Variants in NAALAD2 observed in about 807,000 individuals in gnomAD.
NAALAD2 encodes N-acetylated alpha-linked acidic dipeptidase 2.
NAALAD2 carries 89 observed loss-of-function variants against 95.6 expected under a neutral mutation model. The observed-to-expected ratio is 0.93, with a 90% CI of 0.78 to 1.11. The LOEUF (loss-of-function observed/expected upper bound fraction) is 1.11. Ranked by LOEUF, NAALAD2 falls within the 50% of genes least tolerant of loss-of-function variation. NAALAD2 has a pLI of 0.00. For missense variants in NAALAD2, 894 were observed against 872.4 expected (o/e 1.02, Z -0.31); for synonymous variants, 264 against 294.4 (o/e 0.90, Z 1.06).
rs1951911962 is a variant in NAALAD2 at position 90,152,341 on chromosome 11, A to T, written c.653A>T (p.Tyr218Phe). 4 of 1,612,474 alleles carry T rather than the reference A, an allele frequency of 2.5e-6. No individual in the cohort carries two copies. In the East Asian group the frequency reaches 8.9e-5, roughly 36 times the overall value. The change falls in exon 6 of 19, where the codon TAC becomes TTC. Residue 218 changes from tyrosine (Y) to phenylalanine (F), a missense_variant. Transcript: ENST00000534061. ...GCAGGAGCCATAGGAATCATCTTGT[A>T]CTCAGATCCAGCTGACTACTTTGCT... ...MLAGAIGIIL[Y>F]SDPADYFAPE...
rs1565521423 is a variant in NAALAD2, at chr11:90,154,884, TATATGTATATATTATATACGTATAC to T, written c.796+2454_796+2478del. On this transcript the variant is annotated intron_variant, in intron 6 of 18. Coordinates refer to ENST00000534061, the MANE Select transcript of NAALAD2 (RefSeq NM_005467.4). ...GTATATATTATATACGTATACATAA[TATATGTATATATTATATACGTATAC>T]ATATGTATATATTATATACGTATAC... Among the ~76,000 whole-genome samples, 114 of 51,068 alleles carry T rather than the reference TATATGTATATATTATATACGTATAC, an allele frequency of 2.2e-3. 4 individuals are homozygous for T. The highest frequency in any genetic ancestry group is 7.4e-3 in the South Asian group (10 of 1,360). The allele number at this position is 51,068 out of a possible 152,430, so 33.5% of individuals were successfully genotyped here.
chr11:90,151,167 A>C (rs1951878719), intron 5 of NAALAD2, among the ~76,000 whole-genome samples: 1 of 152,094 alleles, frequency 6.6e-6, no homozygotes, highest in Non-Finnish European at 1.5e-5. Flanking sequence ...TATTCTTTCT[A>C]GATCTTTTAC....
chr11:90,176,958 C>CT (rs762427339), intron 15 of NAALAD2, among the ~76,000 whole-genome samples: 16 of 152,152 alleles, frequency 1.1e-4, no homozygotes, highest in Non-Finnish European at 2.4e-4. Context: ...CTTTTATACT[C>CT]TGTCTTCTGT....
At chr11:90,135,717 T>G in intron 2 of NAALAD2, 47 bp downstream of exon 2, 1 of 1,492,994 alleles carries the variant, frequency 6.7e-7, no homozygotes, top group Non-Finnish European at 9.3e-7. Context: ...GTTTAAAATA[T>G]CACAGTGAGA....
At chr11:90,143,510 T>C (rs1590959983) in intron 2 of NAALAD2, among the ~76,000 whole-genome samples, 1 of 152,288 alleles carries the variant, frequency 6.6e-6, no homozygotes, top group East Asian at 1.9e-4. Context: ...TTTTACTATG[T>C]GTCTAGGCAT....
At chr11:90,167,963 C>T (rs1241898831) in intron 11 of NAALAD2, among the ~76,000 whole-genome samples, 2 of 152,192 alleles carry the variant, frequency 1.3e-5, no homozygotes, top group African/African-American at 4.8e-5. Flanking sequence ...GCAGCAGTGG[C>T]AACCCTCTGG....
At chr11:90,166,489 T>A (rs1590999132) in intron 11 of NAALAD2, among the ~76,000 whole-genome samples, 1 of 152,342 alleles carries the variant, frequency 6.6e-6, no homozygotes, top group African/African-American at 2.4e-5. Context: ...CCTCCATAAA[T>A]GGATGTCAAA....
At chr11:90,138,725 C>CTTTTTTTTTTTTTTTTTTTTT (rs562496549) in intron 2 of NAALAD2, among the ~76,000 whole-genome samples, 4 of 61,528 alleles carry the variant, frequency 6.5e-5, no homozygotes, top group African/African-American at 1.1e-4. Flanking sequence ...CATCCCTCAA[C>CTTTTTTTTTTTTTTTTTTTTT]TTTTTTTTTT....
intron 6 of NAALAD2, among the ~76,000 whole-genome samples, chr11:90,155,757 G>C (rs1459189285): frequency 8.2e-6 from 1 of 121,888 alleles, no homozygotes; most frequent in Non-Finnish European, 1.6e-5. Context: ...TATTACATAT[G>C]TATGTATTAT....
chr11:90,172,996 T>G (rs537212), intron 13 of NAALAD2, among the ~76,000 whole-genome samples: 146,845 of 152,194 alleles, frequency 0.96, 70,906 homozygotes, highest in East Asian at 1. Context: ...AGCAAATCAG[T>G]GTTATAAACA....
At chr11:90,144,741 A>AAAAAAAAAAAAAC (rs1565512402) in intron 2 of NAALAD2, among the ~76,000 whole-genome samples, 2 of 74,864 alleles carry the variant, frequency 2.7e-5, no homozygotes, top group African/African-American at 1.5e-4. Flanking sequence ...AAACTCCATT[A>AAAAAAAAAAAAAC]AAAAAAAAAA....
At chr11:90,170,239 G>A (rs1403218259) in intron 13 of NAALAD2, 103 bp downstream of exon 13, 2 of 752,844 alleles carry the variant, frequency 2.7e-6, no homozygotes, top group East Asian at 5.0e-5. Flanking sequence ...GCTGGTGAGA[G>A]AACATAATAG....
chr11:90,181,440 GT>G (rs1349184430), intron 16 of NAALAD2, among the ~76,000 whole-genome samples, 179 bp from the exon 17 acceptor site: 2 of 151,750 alleles, frequency 1.3e-5, no homozygotes, highest in African/African-American at 4.8e-5. Flanking sequence ...ACCATTTTTT[GT>G]TTTCAAACAA....
chr11:90,185,281 AATC>A (rs1857102190), intron 18 of NAALAD2, among the ~76,000 whole-genome samples: 1 of 152,086 alleles, frequency 6.6e-6, no homozygotes, highest in Admixed American at 6.6e-5. Context: ...TTACATATGT[AATC>A]ATTTATATTT....
intron 2 of NAALAD2, among the ~76,000 whole-genome samples, chr11:90,143,644 TCTC>T (rs1951675278): frequency 2.0e-5 from 3 of 152,144 alleles, no homozygotes; most frequent in Admixed American, 2.0e-4. Flanking sequence ...TACCATTCTT[TCTC>T]CTCTTCTCTT....
chr11:90,165,822 T>C (rs567789361), intron 11 of NAALAD2, among the ~76,000 whole-genome samples: 1 of 152,176 alleles, frequency 6.6e-6, no homozygotes, highest in East Asian at 1.9e-4. Flanking sequence ...GATACATATA[T>C]AAACACATAT....
chr11:90,154,448 T>C (rs1373667722), intron 6 of NAALAD2, among the ~76,000 whole-genome samples: 2 of 151,978 alleles, frequency 1.3e-5, no homozygotes, highest in African/African-American at 4.8e-5. Context: ...ATGTTTTTAA[T>C]GTTAATCCAA....
At position 90,146,343 on chromosome 11, in the gene NAALAD2, A is replaced by ATTTT. The variant is rs71477596; in HGVS notation, c.195-957_195-954dup. On this transcript the variant is annotated intron_variant, in intron 2 of 18. Coordinates refer to ENST00000534061, the MANE Select transcript of NAALAD2 (RefSeq NM_005467.4). ...GTTCTACTGATGGTGGGGGAGTTTA[A>ATTTT]TTTTTTTTTTTTTTTTTTTTTTTTT... Among the ~76,000 whole-genome samples, 214 of 47,992 alleles carry ATTTT rather than the reference A, an allele frequency of 4.5e-3. 6 individuals are homozygous for ATTTT. Among genetic ancestry groups the ATTTT allele is most frequent in the Middle Eastern group, 0.029 (1 of 34 alleles). 31.5% of individuals were successfully genotyped at this position (47,992 alleles called of 152,430 possible).
intron 17 of NAALAD2, among the ~76,000 whole-genome samples, chr11:90,182,343 G>GT (rs1952998753): frequency 1.3e-5 from 2 of 151,824 alleles, no homozygotes; most frequent in Admixed American, 1.3e-4. Flanking sequence ...TTCCCATATT[G>GT]GAAGAAAGCT....
Sources: allele counts gnomAD v4.1 joint callset (sites outside exome capture counted in the v4.1 genomes callset), GRCh38; gene constraint gnomAD v4.1.1; transcripts MANE v1.5; gene names NCBI Gene and HGNC (gene_info 2026-07-23, HGNC 2026-07-21).